Variants in CLVS1 observed in about 807,000 individuals in gnomAD.
CLVS1 encodes clavesin-1.
A neutral mutation model predicts 33.1 loss-of-function variants in CLVS1; 10 were observed. That is an observed-to-expected ratio of 0.30 (90% CI 0.19 to 0.51). The LOEUF (loss-of-function observed/expected upper bound fraction) is 0.51. Among genes scored for constraint, CLVS1 ranks in the 20% least tolerant of loss-of-function variants. The pLI is 0.97. For synonymous variants in CLVS1, 163 were observed against 166.1 expected (o/e 0.98, Z 0.14); for missense variants, 343 against 433.4 (o/e 0.79, Z 1.85).
intron 2 of CLVS1, among the ~76,000 whole-genome samples, chr8:61,347,845 C>T (rs1173626316): frequency 6.6e-6 from 1 of 151,056 alleles, no homozygotes; most frequent in East Asian, 2.0e-4. Context: ...TTTAAGGACC[C>T]TACCTACTGT....
chr8:61,463,987 T>G (rs993882513), intron 5 of CLVS1, among the ~76,000 whole-genome samples: 4 of 151,628 alleles, frequency 2.6e-5, no homozygotes, highest in Non-Finnish European at 5.9e-5. Context: ...GTAGGAGAAT[T>G]GCTTGAACCT....
intron 2 of CLVS1, among the ~76,000 whole-genome samples, chr8:61,354,038 G>A (rs1812584487): frequency 1.3e-5 from 2 of 151,834 alleles, no homozygotes; most frequent in Admixed American, 1.3e-4. Flanking sequence ...ACTCAATCAA[G>A]GTGAAATAGA....
At chr8:61,200,009 A>C (rs1462046593) in intron 2 of CLVS1, among the ~76,000 whole-genome samples, 4 of 152,228 alleles carry the variant, frequency 2.6e-5, no homozygotes, top group Non-Finnish European at 5.9e-5. Flanking sequence ...TCTCTTTAGT[A>C]AGTTGTAAAG....
At chr8:61,237,149 A>G (rs1808582950) in intron 2 of CLVS1, among the ~76,000 whole-genome samples, 1 of 152,254 alleles carries the variant, frequency 6.6e-6, no homozygotes, top group Admixed American at 6.5e-5. Flanking sequence ...ACCCAAGAGA[A>G]GTCCAGTGAA....
chr8:61,149,551 C>CAAAAAAAAAAAAAAAAAAAAAAAA (rs1166606940), intron 2 of CLVS1, among the ~76,000 whole-genome samples: 41 of 51,960 alleles, frequency 7.9e-4, no homozygotes, highest in Non-Finnish European at 1.2e-3. Flanking sequence ...GACTCTGTCT[C>CAAAAAAAAAAAAAAAAAAAAAAAA]AAAAAAAAAA....
intron 2 of CLVS1, among the ~76,000 whole-genome samples, chr8:61,261,850 C>A (rs1342757815): frequency 1.3e-5 from 2 of 152,166 alleles, no homozygotes; most frequent in Non-Finnish European, 2.9e-5. Flanking sequence ...GCTACAGAAG[C>A]CTGAAAGCAT....
At chr8:61,035,187 C>CTTTTTTTTTTTTTTT in the CLVS1 span, among the ~76,000 whole-genome samples, 12 of 129,406 alleles carry the variant, frequency 9.3e-5, no homozygotes, top group South Asian at 4.9e-4. Context: ...TTTCTTTTTT[C>CTTTTTTTTTTTTTTT]TTTTTTTTTT....
chr8:61,106,584 T>C (rs889902077), intron 1 of CLVS1, among the ~76,000 whole-genome samples: 1 of 152,204 alleles, frequency 6.6e-6, no homozygotes, highest in Non-Finnish European at 1.5e-5. Context: ...GAGGAGTTGC[T>C]GGCACCTCCG....
chr8:61,201,596 G>A (rs1807733435), intron 2 of CLVS1, among the ~76,000 whole-genome samples: 1 of 152,206 alleles, frequency 6.6e-6, no homozygotes, highest in African/African-American at 2.4e-5. Flanking sequence ...ATTTGGTCAT[G>A]AGAAAAGTTA....
At chr8:61,089,914 T>C (rs905874955) in intron 1 of CLVS1, among the ~76,000 whole-genome samples, 1 of 152,134 alleles carries the variant, frequency 6.6e-6, no homozygotes, top group Admixed American at 6.5e-5. Flanking sequence ...AGTGAGACCA[T>C]GTTTTGTTTT....
intron 1 of CLVS1, among the ~76,000 whole-genome samples, chr8:61,114,584 T>C (rs73685730): frequency 6.6e-6 from 1 of 152,194 alleles, no homozygotes. Context: ...CTACACTACA[T>C]TTCTTCCCCT....
upstream of CLVS1, among the ~76,000 whole-genome samples, chr8:61,283,726 G>A (rs943980786): frequency 6.6e-6 from 1 of 152,148 alleles, no homozygotes; most frequent in African/African-American, 2.4e-5. Flanking sequence ...AAACTTCATT[G>A]TATCAAGCCT....
intron 1 of CLVS1, among the ~76,000 whole-genome samples, chr8:61,290,497 A>G (rs1809947028): frequency 6.6e-6 from 1 of 152,264 alleles, no homozygotes; most frequent in Non-Finnish European, 1.5e-5. Context: ...GCATCATTTT[A>G]GAATCATGGA....
chr8:61,050,120 C>A, the CLVS1 span, among the ~76,000 whole-genome samples: 2 of 152,198 alleles, frequency 1.3e-5, no homozygotes, highest in South Asian at 4.1e-4. Flanking sequence ...CCTTTTACAG[C>A]CTCATCAGTG....
intron 1 of CLVS1, chr8:61,090,824 C>T: frequency 1.9e-6 from 1 of 514,964 alleles, no homozygotes; most frequent in South Asian, 1.4e-5. Flanking sequence ...TCATCTGTAC[C>T]CGATTTAGAT....
intron 1 of CLVS1, among the ~76,000 whole-genome samples, chr8:61,078,529 C>G (rs1010041219): frequency 1.3e-5 from 2 of 152,138 alleles, no homozygotes; most frequent in African/African-American, 2.4e-5. Flanking sequence ...TTTCTATGAG[C>G]CTGGAATGCC....
chr8:61,499,357 T>C (rs1262347140), intron 5 of CLVS1, 98 bp from the exon 6 acceptor site: 7 of 757,778 alleles, frequency 9.2e-6, no homozygotes, highest in Non-Finnish European at 1.6e-5. Flanking sequence ...TGAGTGTCTA[T>C]TAAAAAGAGA....
intron 1 of CLVS1, among the ~76,000 whole-genome samples, chr8:61,093,116 G>A (rs1480893867): frequency 6.6e-6 from 1 of 152,092 alleles, no homozygotes; most frequent in African/African-American, 2.4e-5. Context: ...TTGTTATTAG[G>A]TGGTAGGGAA....
chr8:61,333,818 C>A (rs1178254902), intron 2 of CLVS1, among the ~76,000 whole-genome samples: 1 of 151,860 alleles, frequency 6.6e-6, no homozygotes, highest in African/African-American at 2.4e-5. Flanking sequence ...AGCCTAGTAT[C>A]CATTTGTTAT....
Sources: gnomAD v4.1 joint callset for allele counts (sites outside exome capture counted in the v4.1 genomes callset) on GRCh38, gnomAD v4.1.1 for gene constraint, MANE v1.5 for transcripts, NCBI Gene and HGNC (gene_info 2026-07-23, HGNC 2026-07-21) for gene names.